DCDC1: variants seen among roughly 807,000 people sequenced by gnomAD.
The protein encoded by DCDC1 is doublecortin domain-containing protein 1.
A neutral mutation model predicts 178.3 loss-of-function variants in DCDC1; 200 were observed. That is an observed-to-expected ratio of 1.12 (90% confidence interval 1.00 to 1.26). The LOEUF (loss-of-function observed/expected upper bound fraction) is 1.26, where lower values mean the gene tolerates loss of function less well. Among genes scored for constraint, DCDC1 ranks in the 50% most tolerant of loss-of-function variants. The probability of loss-of-function intolerance (pLI) is 0.00; values close to 1 mark genes in which losing one functional copy is unlikely to be tolerated. For missense variants in DCDC1, 1,983 were observed against 1,749.2 expected, an observed-to-expected ratio of 1.13 and a Z score of -2.38; for synonymous variants, 690 against 604.8, an observed-to-expected ratio of 1.14 and a Z score of -2.07.
intron 8 of DCDC1, among the ~76,000 whole-genome samples, chr11:31,253,988 G>A (rs1279314360): frequency 6.6e-6 from 1 of 152,174 alleles, no homozygotes; most frequent in Non-Finnish European, 1.5e-5. Flanking sequence ...TTTGACATAT[G>A]CAAGTGTAGC....
rs1311057476 is a variant in DCDC1, at chr11:30,925,406, C to T, written c.2900G>A (p.Cys967Tyr). The change falls in exon 23 of 39, where the codon TGC becomes TAC. Residue 967 changes from cysteine to tyrosine, a missense_variant and splice_region_variant. By Grantham distance (194) the Cys-to-Tyr change is radical (BLOSUM62 -2). Transcript: ENST00000684477. ...PDISPGRKTQCTEILNLPSAA... is the reference protein window; with the variant it reads ...PDISPGRKTQYTEILNLPSAA... ...AGAAGGTAAATTTAAAATCTCAGTG[C>T]ACCTGTAATAAAAGACACAAAAATT... The T allele has an allele frequency of 1.2e-6, 2 of 1,613,406 alleles. No individual in the cohort carries two copies. The highest frequency in any genetic ancestry group is 1.7e-6 in the Non-Finnish European group (2 of 1,179,638).
chr11:31,345,607 T>C (rs1287729436), intron 1 of DCDC1, among the ~76,000 whole-genome samples: 2 of 151,804 alleles, frequency 1.3e-5, no homozygotes, highest in African/African-American at 4.8e-5. Flanking sequence ...AAATAAAAGA[T>C]GAAAACATCA....
At chr11:31,196,679 T>G (rs774566604) in intron 9 of DCDC1, among the ~76,000 whole-genome samples, 1 of 152,074 alleles carries the variant, frequency 6.6e-6, no homozygotes, top group Non-Finnish European at 1.5e-5. Context: ...AACCACCCTC[T>G]AAGCACCTTG....
intron 20 of DCDC1, among the ~76,000 whole-genome samples, chr11:30,998,929 G>A (rs1216596075): frequency 1.3e-5 from 2 of 152,062 alleles, no homozygotes; most frequent in African/African-American, 4.8e-5. Flanking sequence ...CCAGGAATAT[G>A]TAATATTGAT....
intron 18 of DCDC1, among the ~76,000 whole-genome samples, chr11:31,066,689 A>C (rs1956269970): frequency 6.6e-6 from 1 of 152,242 alleles, no homozygotes; most frequent in African/African-American, 2.4e-5. Context: ...CTCTGGAGAC[A>C]GCAAAAAGAT....
chr11:30,993,916 TAGAAG>T (rs1951113980), intron 20 of DCDC1, among the ~76,000 whole-genome samples: 1 of 152,056 alleles, frequency 6.6e-6, no homozygotes, highest in South Asian at 2.1e-4. Context: ...TACCAGAACA[TAGAAG>T]AGGAGAGAAA....
intron 38 of DCDC1, among the ~76,000 whole-genome samples, chr11:30,868,630 G>C (rs1200716856): frequency 6.6e-6 from 1 of 152,102 alleles, no homozygotes; most frequent in Non-Finnish European, 1.5e-5. Flanking sequence ...GCTCATGGCA[G>C]TTTCAGAGTA....
At chr11:31,291,231 C>T (rs1020442485) in intron 6 of DCDC1, among the ~76,000 whole-genome samples, 1 of 151,930 alleles carries the variant, frequency 6.6e-6, no homozygotes, top group Non-Finnish European at 1.5e-5. Flanking sequence ...AGGTCTTGAA[C>T]TTTTATGTTC....
intron 21 of DCDC1, among the ~76,000 whole-genome samples, chr11:30,940,128 A>G (rs1164331896): frequency 6.6e-6 from 1 of 152,280 alleles, no homozygotes; most frequent in East Asian, 1.9e-4. Flanking sequence ...AAACTGGCCC[A>G]ATTATCCCAT....
chr11:31,188,002 T>G (rs1343244741), intron 9 of DCDC1, among the ~76,000 whole-genome samples: 2 of 152,134 alleles, frequency 1.3e-5, no homozygotes, highest in African/African-American at 4.8e-5. Flanking sequence ...TTTTTTAATT[T>G]TTTTTCCTTT....
intron 20 of DCDC1, among the ~76,000 whole-genome samples, chr11:31,019,371 G>A (rs1031008970): frequency 5.3e-5 from 8 of 152,060 alleles, no homozygotes; most frequent in South Asian, 2.1e-4. Context: ...GTTCTTTGAC[G>A]TGAGAAACTT....
At chr11:30,925,589 G>T (rs1212194574) in intron 22 of DCDC1, among the ~76,000 whole-genome samples, 181 bp from the exon 23 acceptor site, 1 of 152,114 alleles carries the variant, frequency 6.6e-6, no homozygotes, top group Non-Finnish European at 1.5e-5. Context: ...TCTCCAAATT[G>T]TGGCACTTGG....
chr11:31,166,334 C>T (rs929410047), intron 9 of DCDC1, among the ~76,000 whole-genome samples: 1 of 152,040 alleles, frequency 6.6e-6, no homozygotes, highest in Non-Finnish European at 1.5e-5. Flanking sequence ...TATGTGAGAA[C>T]CAGTTATTTC....
intron 9 of DCDC1, among the ~76,000 whole-genome samples, chr11:31,154,904 C>T (rs1336305968): frequency 1.3e-5 from 2 of 152,180 alleles, no homozygotes; most frequent in Non-Finnish European, 2.9e-5. Context: ...TGCCCTACTA[C>T]GTGGTTCTTC....
intron 24 of DCDC1, among the ~76,000 whole-genome samples, chr11:30,921,159 A>G (rs1310661082): frequency 6.6e-6 from 1 of 152,226 alleles, no homozygotes; most frequent in East Asian, 1.9e-4. Flanking sequence ...TCCAAAGATC[A>G]GTTAATTATC....
Position 31,127,498 on chromosome 11 carries a change from T to C in DCDC1, c.1456A>G (p.Thr486Ala). 1.4e-6 allele frequency: 1 copy of C among 702,538 alleles called. No homozygotes were observed. The highest frequency in any genetic ancestry group is 2.0e-5 in the Admixed American group (1 of 49,978). 43.5% of individuals were successfully genotyped at this position (702,538 alleles called of 1,614,324 possible). A position where few individuals can be genotyped will look rare whatever the true frequency, so the allele number is the denominator to read the frequency against. ...YQHIKSLPAN[T>A]LVPGGLQLKV... ...AGCTGCAGGCCTCCTGGGACAAGCG[T>C]GTTTGCTGGAAGGCTTTTAATGTGT... Residue 486 changes from threonine (T) to alanine (A), a missense_variant, in exon 11 of 39, where the codon ACG becomes GCG. Thr to Ala is a moderately conservative substitution (Grantham distance 58, BLOSUM62 0). Transcript: ENST00000684477.
chr11:30,932,263 T>C (rs1355899682), intron 21 of DCDC1, among the ~76,000 whole-genome samples: 3 of 152,176 alleles, frequency 2.0e-5, no homozygotes, highest in Non-Finnish European at 4.4e-5. Flanking sequence ...ACATGTTAAA[T>C]ATCTTTAATC....
At position 31,015,808 on chromosome 11, in the gene DCDC1, A is replaced by G. The variant is rs563300362; in HGVS notation, c.2591+48661T>C. Among the ~76,000 whole-genome samples the G allele has an allele frequency of 3.7e-4, 57 of 152,306 alleles. 2 individuals carry two copies. The highest frequency in any genetic ancestry group is 3.7e-3 in the Admixed American group (56 of 15,306). On this transcript the variant is annotated intron_variant, in intron 20 of 38. Coordinates refer to ENST00000684477, the MANE Select transcript of DCDC1 (RefSeq NM_001387274.1). ...GTGGATTTCCAATTGGGTGAAGCCAACTGGATGTCAGCCACTGTGTAAAGG... is the reference window on the plus strand; with the variant it reads ...GTGGATTTCCAATTGGGTGAAGCCAGCTGGATGTCAGCCACTGTGTAAAGG...
intron 1 of DCDC1, among the ~76,000 whole-genome samples, chr11:31,345,072 A>G (rs528431050): frequency 1.0e-3 from 152 of 152,286 alleles, no homozygotes; most frequent in African/African-American, 3.5e-3. Flanking sequence ...GAATAATTGC[A>G]TGCTACCAAT....
Sources: allele counts gnomAD v4.1 joint callset (sites outside exome capture counted in the v4.1 genomes callset), GRCh38; gene constraint gnomAD v4.1.1; transcripts MANE v1.5; gene names NCBI Gene and HGNC (gene_info 2026-07-23, HGNC 2026-07-21).